CRADD: variants seen among roughly 807,000 people sequenced by gnomAD.
CRADD encodes the protein CARD and death domain containing adaptor protein.
Under a neutral mutation model 15.5 loss-of-function variants are expected in CRADD, and 9 were observed. The ratio of observed to expected loss-of-function variants is 0.58; its 90% CI spans 0.35 to 1.01. The LOEUF (loss-of-function observed/expected upper bound fraction) is 1.01. CRADD is among the 50% of genes least tolerant of loss of function. The pLI, the probability that CRADD is intolerant of heterozygous loss-of-function variation, is 0.02. For synonymous variants in CRADD, 118 were observed against 107.6 expected, an observed-to-expected ratio of 1.10 and a Z score of -0.60; for missense variants, 227 against 250.3, an observed-to-expected ratio of 0.91 and a Z score of 0.63.
intron 2 of CRADD, among the ~76,000 whole-genome samples, chr12:93,755,478 G>T (rs542254850): frequency 1.2e-4 from 18 of 152,132 alleles, no homozygotes; most frequent in Non-Finnish European, 1.9e-4. Context: ...CCTCAGCCAG[G>T]CTTAGTCTTC....
intron 2 of CRADD, among the ~76,000 whole-genome samples, chr12:93,705,810 A>T (rs1955936111): frequency 6.6e-6 from 1 of 152,258 alleles, no homozygotes; most frequent in Admixed American, 6.5e-5. Context: ...AGAGCCACAT[A>T]ACCAGAATGT....
At chr12:93,847,516 A>C (rs7314857) in intron 2 of CRADD, among the ~76,000 whole-genome samples, 28,050 of 140,368 alleles carry the variant, frequency 0.2, 2,349 homozygotes, top group Middle Eastern at 0.29. Flanking sequence ...AAAAAAAAAA[A>C]AAAAACCTCC....
At chr12:93,880,551 A>G (rs1471052073) in intron 2 of CRADD, among the ~76,000 whole-genome samples, 5 of 152,106 alleles carry the variant, frequency 3.3e-5, no homozygotes, top group Non-Finnish European at 5.9e-5. Flanking sequence ...ATTTTTCATG[A>G]TCCCCTAATC....
At position 93,789,715 on chromosome 12, in the gene CRADD, A is replaced by T. The variant is rs61484014; in HGVS notation, c.299-60255A>T. ...TGGATACATGTGTGAAAGCATATCA[A>T]ATTGCATGCTTTAAATATGTGCAGT... On this transcript the variant is annotated intron_variant, in intron 2 of 2. Coordinates refer to ENST00000332896, the MANE Select transcript of CRADD (RefSeq NM_003805.5). Among the ~76,000 whole-genome samples the T allele has an allele frequency of 3.8e-3, 572 of 149,058 alleles. 3 individuals are homozygous for T. Among genetic ancestry groups the T allele is most frequent in the African/African-American group, 0.013 (511 of 38,682 alleles).
intron 2 of CRADD, among the ~76,000 whole-genome samples, chr12:93,702,404 A>G (rs1016068423): frequency 5.3e-5 from 8 of 151,960 alleles, no homozygotes; most frequent in African/African-American, 1.9e-4. Context: ...GACATCATTA[A>G]CTGCCCCACA....
At chr12:93,769,203 G>A (rs917894326) in intron 2 of CRADD, among the ~76,000 whole-genome samples, 2 of 151,828 alleles carry the variant, frequency 1.3e-5, no homozygotes, top group Admixed American at 6.6e-5. Context: ...CAAGTTAGCC[G>A]CCTGAGTAGC....
At position 93,767,375 on chromosome 12, in the gene CRADD, C is replaced by G. The variant is rs181957720; in HGVS notation, c.299-82595C>G. Reference sequence around the variant, plus strand: ...AGGTCCCTTGTTTCACTTTGTGTTTCCTCAGTTGCCAGTAGGCTGTGCTGT... The same window carrying G: ...AGGTCCCTTGTTTCACTTTGTGTTTGCTCAGTTGCCAGTAGGCTGTGCTGT... On this transcript the variant is annotated intron_variant, in intron 2 of 2. Coordinates refer to ENST00000332896, the MANE Select transcript of CRADD (RefSeq NM_003805.5). 3.9e-5 allele frequency among the ~76,000 whole-genome samples: 6 copies of G among 152,292 alleles called. No individual in the cohort carries two copies. In the East Asian group the frequency reaches 9.6e-4, roughly 24 times the overall value.
intron 2 of CRADD, among the ~76,000 whole-genome samples, chr12:93,844,605 C>T (rs1958091371): frequency 6.6e-6 from 1 of 152,066 alleles, no homozygotes. Flanking sequence ...GTCCTTACTT[C>T]CAAATAATTG....
chr12:93,810,520 C>T (rs933224796), intron 2 of CRADD, among the ~76,000 whole-genome samples: 1 of 120,770 alleles, frequency 8.3e-6, no homozygotes, highest in Admixed American at 1.1e-4. Context: ...CATTGCACTC[C>T]AGCCTGGGCA....
chr12:93,840,063 T>C (rs1367568478), intron 2 of CRADD, among the ~76,000 whole-genome samples: 24 of 152,248 alleles, frequency 1.6e-4, no homozygotes, highest in African/African-American at 2.4e-5. Flanking sequence ...GGTGTGATGC[T>C]CTAGGCCAGT....
At position 93,822,066 on chromosome 12, in the gene CRADD, C is replaced by T. The variant is rs568284550; in HGVS notation, c.299-27904C>T. On this transcript the variant is annotated intron_variant, in intron 2 of 2. Coordinates refer to ENST00000332896, the MANE Select transcript of CRADD (RefSeq NM_003805.5). ...CTGGGAGGCAGAGGCTGCAGTGAGC[C>T]GAGATTGCGCCACTGCACTCCAGCC... Among the ~76,000 whole-genome samples the T allele has an allele frequency of 1.9e-4, 28 of 150,316 alleles. 1 individual carries two copies. The South Asian group carries it at 4.2e-3, about 23-fold the overall frequency.
chr12:93,814,413 G>C (rs1479369511), intron 2 of CRADD, among the ~76,000 whole-genome samples: 1 of 152,148 alleles, frequency 6.6e-6, no homozygotes, highest in African/African-American at 2.4e-5. Context: ...GAGTACACAA[G>C]GTTCAAGTGG....
At chr12:93,810,889 C>G (rs1249311007) in intron 2 of CRADD, among the ~76,000 whole-genome samples, 1 of 152,214 alleles carries the variant, frequency 6.6e-6, no homozygotes, top group Non-Finnish European at 1.5e-5. Flanking sequence ...GAGAAATATT[C>G]AGATCACACC....
intron 2 of CRADD, among the ~76,000 whole-genome samples, chr12:93,741,969 G>A (rs1365458568): frequency 6.6e-6 from 1 of 152,070 alleles, no homozygotes; most frequent in Non-Finnish European, 1.5e-5. Context: ...CATGATCTTT[G>A]TTATCTGATT....
chr12:93,708,996 T>C (rs1956009022), intron 2 of CRADD: 1 of 152,244 alleles, frequency 6.6e-6, no homozygotes. Context: ...CTCTCGGGCT[T>C]CTTTTATATG....
At chr12:93,757,400 T>C (rs1405853477) in intron 2 of CRADD, among the ~76,000 whole-genome samples, 1 of 152,224 alleles carries the variant, frequency 6.6e-6, no homozygotes, top group African/African-American at 2.4e-5. Context: ...CCTGGTTATC[T>C]GTAGAAAAAT....
At chr12:93,726,926 G>A (rs947586911) in intron 2 of CRADD, among the ~76,000 whole-genome samples, 11 of 152,208 alleles carry the variant, frequency 7.2e-5, no homozygotes, top group Admixed American at 2.6e-4. Flanking sequence ...ATAACAAGAC[G>A]AAGCAGGAAC....
At chr12:93,893,376 CACAATTCCTAGGGTGTTGATTTAAA>C (rs1958590115) in intron 2 of CRADD, among the ~76,000 whole-genome samples, 2 of 151,302 alleles carry the variant, frequency 1.3e-5, no homozygotes, top group South Asian at 4.2e-4. Context: ...ATTGGACGGA[CACAATTCCTAGGGTGTTGATTTAAA>C]AAAAAAAAAT....
intron 2 of CRADD, among the ~76,000 whole-genome samples, chr12:93,732,656 G>T (rs1376534633): frequency 1.3e-5 from 2 of 152,196 alleles, no homozygotes; most frequent in Non-Finnish European, 2.9e-5. Flanking sequence ...TTTAGAGTCA[G>T]ACAGACCTGG....
Sources: allele counts gnomAD v4.1 joint callset (sites outside exome capture counted in the v4.1 genomes callset), GRCh38; gene constraint gnomAD v4.1.1; transcripts MANE v1.5; gene names NCBI Gene and HGNC (gene_info 2026-07-23, HGNC 2026-07-21).